R3HDM2: variants seen among roughly 807,000 people sequenced by gnomAD.
R3HDM2 encodes the protein R3H domain-containing protein 2.
A neutral mutation model predicts 124.5 loss-of-function variants in R3HDM2; 38 were observed. The ratio of observed to expected loss-of-function variants is 0.31; its 90% CI spans 0.24 to 0.40. The LOEUF (loss-of-function observed/expected upper bound fraction) is 0.40, where lower values mean the gene tolerates loss of function less well. R3HDM2 is among the 10% of genes least tolerant of loss of function. The pLI, the probability that R3HDM2 is intolerant of heterozygous loss-of-function variation, is 1.00. For missense variants in R3HDM2, 869 were observed against 1,236.9 expected, an observed-to-expected ratio of 0.70 and a Z score of 4.46; for synonymous variants, 391 against 448.0, an observed-to-expected ratio of 0.87 and a Z score of 1.61.
At chr12:57,353,185 TAAA>T (rs2060864160) in intron 2 of R3HDM2, among the ~76,000 whole-genome samples, 1 of 152,058 alleles carries the variant, frequency 6.6e-6, no homozygotes. Context: ...CATAAACAGT[TAAA>T]AAATAAGCTA....
In R3HDM2 at chr12:57,310,451, C is replaced by T. The variant is rs1220858107; in HGVS notation, c.-23G>A. 2 of 1,483,126 alleles carry T rather than the reference C, an allele frequency of 1.3e-6. No individual in the cohort carries two copies. The highest frequency in any genetic ancestry group is 2.5e-5 in the East Asian group (1 of 39,520). 91.9% of individuals were successfully genotyped at this position (1,483,126 alleles called of 1,614,324 possible). ...CATGTTCTTCAATAGAATACAGTGG[C>T]CTCTATGGACTCCTAAAGAAACATC... On this transcript the variant is annotated 5_prime_UTR_variant, in exon 3 of 24. Coordinates refer to ENST00000402412, the MANE Select transcript of R3HDM2 (RefSeq NM_001394031.1).
intron 2 of R3HDM2, among the ~76,000 whole-genome samples, chr12:57,315,655 CACAA>C (rs1203211632): frequency 2.6e-5 from 4 of 152,182 alleles, no homozygotes; most frequent in African/African-American, 7.2e-5. Flanking sequence ...AAACACTGAA[CACAA>C]ACAAATAAAA....
chr12:57,317,168 A>T (rs958408692), intron 2 of R3HDM2, among the ~76,000 whole-genome samples: 8 of 149,588 alleles, frequency 5.3e-5, no homozygotes, highest in Non-Finnish European at 8.9e-5. Context: ...AGGTGTGACC[A>T]CCTTGCCCAG....
chr12:57,372,802 T>C (rs2063534972), intron 2 of R3HDM2, among the ~76,000 whole-genome samples: 1 of 152,214 alleles, frequency 6.6e-6, no homozygotes, highest in Non-Finnish European at 1.5e-5. Context: ...CCACCTCTAA[T>C]AGATCCTACA....
chr12:57,335,369 G>A (rs2058719373), intron 2 of R3HDM2, among the ~76,000 whole-genome samples: 1 of 150,460 alleles, frequency 6.6e-6, no homozygotes, highest in Non-Finnish European at 1.5e-5. Context: ...CACCACACCT[G>A]GCTAATTTTT....
intron 2 of R3HDM2, among the ~76,000 whole-genome samples, chr12:57,346,177 C>T (rs973726187): frequency 1.6e-5 from 2 of 126,450 alleles, no homozygotes; most frequent in African/African-American, 6.3e-5. Context: ...AAAAAAAAGG[C>T]CTGGAGCAGT....
rs1313173614 is a variant in R3HDM2, at chr12:57,371,120, C to T, written c.-36+24629G>A. Among the ~76,000 whole-genome samples the T allele has an allele frequency of 9.1e-5, 4 of 43,852 alleles. No individual in the cohort carries two copies. The East Asian group carries it at 2.7e-3, about 29-fold the overall frequency. 28.8% of individuals were successfully genotyped at this position (43,852 alleles called of 152,430 possible). ...TTTTTTTTTTTTTTTTTTTAAGATA[C>T]ACACACAAACTCAGAGACACCCAAC... On this transcript the variant is annotated intron_variant, in intron 2 of 23. Coordinates refer to ENST00000402412, the MANE Select transcript of R3HDM2 (RefSeq NM_001394031.1).
intron 1 of R3HDM2, among the ~76,000 whole-genome samples, chr12:57,406,380 A>G (rs2068528760): frequency 6.6e-6 from 1 of 152,066 alleles, no homozygotes; most frequent in African/African-American, 2.4e-5. Context: ...TTTAAATTGA[A>G]GAGTCCATAA....
At chr12:57,323,382 T>C (rs958026963) in intron 2 of R3HDM2, among the ~76,000 whole-genome samples, 3 of 152,224 alleles carry the variant, frequency 2.0e-5, no homozygotes, top group East Asian at 1.9e-4. Context: ...AAAGTACTTA[T>C]GAAACACATA....
At chr12:57,317,966 C>A (rs193301306) in intron 2 of R3HDM2, among the ~76,000 whole-genome samples, 6 of 139,742 alleles carry the variant, frequency 4.3e-5, no homozygotes, top group Non-Finnish European at 9.1e-5. Context: ...GGCAACAGAG[C>A]GAGACTCCGT....
At chr12:57,301,513 C>T (rs2138731978) in intron 4 of R3HDM2, among the ~76,000 whole-genome samples, 1 of 152,312 alleles carries the variant, frequency 6.6e-6, no homozygotes, top group East Asian at 1.9e-4. Flanking sequence ...TTTGTTAAGC[C>T]ACTCAATCCC....
intron 1 of R3HDM2, among the ~76,000 whole-genome samples, chr12:57,397,457 A>G (rs2067662837): frequency 6.6e-6 from 1 of 152,182 alleles, no homozygotes; most frequent in Admixed American, 6.6e-5. Flanking sequence ...CAAATACCAC[A>G]TCATGAAAGT....
chr12:57,377,370 C>A (rs4760278), intron 2 of R3HDM2, among the ~76,000 whole-genome samples: 24,585 of 151,910 alleles, frequency 0.16, 2,648 homozygotes, highest in Admixed American at 0.27. Context: ...TCTGAAGGAG[C>A]GTCATCACAG....
At chr12:57,275,939 C>T (rs1211718437) in intron 14 of R3HDM2, among the ~76,000 whole-genome samples, 6 of 152,082 alleles carry the variant, frequency 3.9e-5, no homozygotes, top group East Asian at 1.9e-4. Context: ...AAAGTAGGGC[C>T]GGGCGCAGTG....
intron 2 of R3HDM2, among the ~76,000 whole-genome samples, chr12:57,311,672 C>G (rs1054696007): frequency 6.6e-6 from 1 of 152,124 alleles, no homozygotes; most frequent in African/African-American, 2.4e-5. Flanking sequence ...CGCACCCAGC[C>G]TTAAATTCTT....
At position 57,298,222 on chromosome 12, in the gene R3HDM2, A is replaced by G. The variant is rs968248976; in HGVS notation, c.422-54T>C. ...AATACATGAAACTGCTTTGCATGCT[A>G]TCTAATCCTAAGCAGAAGTCCACAA... is the stretch of plus-strand genomic sequence containing the variant. On this transcript the variant is annotated intron_variant, in intron 6 of 23. Coordinates refer to ENST00000402412, the MANE Select transcript of R3HDM2 (RefSeq NM_001394031.1). The G allele has an allele frequency of 1.4e-4, 181 of 1,336,238 alleles. 1 individual carries two copies. The East Asian group carries it at 3.5e-3, about 26-fold the overall frequency. The allele number at this position is 1,336,238 out of a possible 1,614,324, so 82.8% of individuals were successfully genotyped here. A position where few individuals can be genotyped will look rare whatever the true frequency, so the allele number is the denominator to read the frequency against.
intron 12 of R3HDM2, among the ~76,000 whole-genome samples, chr12:57,287,622 A>G (rs2047643847): frequency 6.6e-6 from 1 of 152,206 alleles, no homozygotes; most frequent in Non-Finnish European, 1.5e-5. Context: ...TGAGATCTCA[A>G]ATCCAAGTTA....
intron 1 of R3HDM2, among the ~76,000 whole-genome samples, chr12:57,403,863 T>C (rs1308426648): frequency 1.3e-5 from 2 of 151,890 alleles, no homozygotes; most frequent in African/African-American, 4.8e-5. Flanking sequence ...TACTTTTTTC[T>C]ATCCTTAAAA....
chr12:57,402,596 C>T (rs2068139137), intron 1 of R3HDM2, among the ~76,000 whole-genome samples: 1 of 152,006 alleles, frequency 6.6e-6, no homozygotes, highest in African/African-American at 2.4e-5. Flanking sequence ...TGGCGAAACC[C>T]CATCTCTACT....
Sources: gnomAD v4.1 joint callset for allele counts (sites outside exome capture counted in the v4.1 genomes callset) on GRCh38, gnomAD v4.1.1 for gene constraint, MANE v1.5 for transcripts, NCBI Gene and HGNC (gene_info 2026-07-23, HGNC 2026-07-21) for gene names.